Variants in EVL observed in about 807,000 individuals in gnomAD.
EVL encodes the protein Enah/Vasp-like.
EVL carries 21 observed loss-of-function variants against 59.6 expected under a neutral mutation model. The observed-to-expected ratio is 0.35, with a 90% confidence interval of 0.25 to 0.51. The LOEUF (loss-of-function observed/expected upper bound fraction) is 0.51. Among genes scored for constraint, EVL ranks in the 20% least tolerant of loss-of-function variants. The pLI is 0.97. For missense variants in EVL, 462 were observed against 546.6 expected, an observed-to-expected ratio of 0.85 and a Z score of 1.54; for synonymous variants, 198 against 203.5, an observed-to-expected ratio of 0.97 and a Z score of 0.23.
intron 1 of EVL, among the ~76,000 whole-genome samples, chr14:99,976,094 G>T (rs2140166621): frequency 6.6e-6 from 1 of 151,846 alleles, no homozygotes; most frequent in South Asian, 2.1e-4. Context: ...GAGTGCAGTG[G>T]CTCAGTCATG....
chr14:99,990,379 C>T (rs2060867522), intron 1 of EVL, among the ~76,000 whole-genome samples: 1 of 152,054 alleles, frequency 6.6e-6, no homozygotes, highest in South Asian at 2.1e-4. Flanking sequence ...CTGTCTTAAC[C>T]ATTTTTAAGT....
chr14:100,013,586 G>A (rs190510895), intron 1 of EVL, among the ~76,000 whole-genome samples: 140 of 152,328 alleles, frequency 9.2e-4, no homozygotes, highest in African/African-American at 3.1e-3. Context: ...ATCCGGGACC[G>A]AGGGTCCCCT....
chr14:100,090,075 A>G (rs2062532010), intron 2 of EVL, among the ~76,000 whole-genome samples: 1 of 152,238 alleles, frequency 6.6e-6, no homozygotes, highest in Admixed American at 6.5e-5. Context: ...ATTAAACCCA[A>G]CAAAAGTAGA....
At chr14:100,056,345 G>A (rs578040850) in intron 1 of EVL, among the ~76,000 whole-genome samples, 1 of 151,076 alleles carries the variant, frequency 6.6e-6, no homozygotes, top group South Asian at 2.1e-4. Context: ...CTTCTGCTGA[G>A]CATACTTACT....
chr14:100,023,761 C>T (rs1566972513), intron 1 of EVL, among the ~76,000 whole-genome samples: 1 of 152,158 alleles, frequency 6.6e-6, no homozygotes, highest in South Asian at 2.1e-4. Context: ...CGTACCCAGC[C>T]TCCTTTTGCC....
At chr14:100,073,992 G>T (rs1276754117) in intron 1 of EVL, among the ~76,000 whole-genome samples, 1 of 145,752 alleles carries the variant, frequency 6.9e-6, no homozygotes, top group Non-Finnish European at 1.5e-5. Context: ...TGGGTTCAGG[G>T]AGTCACCCCC....
chr14:99,992,026 T>G (rs1349539772), intron 1 of EVL, among the ~76,000 whole-genome samples: 1 of 151,374 alleles, frequency 6.6e-6, no homozygotes, highest in Non-Finnish European at 1.5e-5. Context: ...TATGGTAATT[T>G]TATTTTTAAT....
chr14:100,068,570 G>A (rs993620552), intron 1 of EVL, among the ~76,000 whole-genome samples: 2 of 152,222 alleles, frequency 1.3e-5, no homozygotes, highest in African/African-American at 4.8e-5. Context: ...AGTCATCCAG[G>A]TAAGAGGTGA....
intron 1 of EVL, among the ~76,000 whole-genome samples, chr14:99,999,104 C>T (rs958742647): frequency 6.6e-6 from 1 of 151,848 alleles, no homozygotes; most frequent in Non-Finnish European, 1.5e-5. Flanking sequence ...TAGTAATGTT[C>T]ATGCAGTTAG....
At chr14:100,054,090 C>T (rs1413692887) in intron 1 of EVL, among the ~76,000 whole-genome samples, 3 of 112,060 alleles carry the variant, frequency 2.7e-5, no homozygotes, top group Non-Finnish European at 3.3e-5. Context: ...GAATCTCACT[C>T]TGTTGCCAGG....
At chr14:100,020,997 T>C (rs1273551653) in intron 1 of EVL, among the ~76,000 whole-genome samples, 3 of 152,230 alleles carry the variant, frequency 2.0e-5, no homozygotes, top group Non-Finnish European at 4.4e-5. Context: ...TTATATAATG[T>C]CTGGCGTGTT....
In EVL at chr14:100,109,195, A is replaced by G. The variant is rs1287416051; in HGVS notation, c.358+11537A>G. On this transcript the variant is annotated intron_variant, in intron 3 of 13. Transcript: ENST00000392920. The surrounding 1 kb of genome is among the most constrained non-coding windows in gnomAD (Gnocchi z 4.3). ...GACACTCTCTCCCCTGAAGTGTTGT[A>G]ATGGGGTTGTAACCCATCCACCTTC... Among the ~76,000 whole-genome samples, 1 of 152,218 alleles carries G rather than the reference A, an allele frequency of 6.6e-6. No homozygotes were observed. Among genetic ancestry groups the G allele is most frequent in the East Asian group, 1.9e-4 (1 of 5,182 alleles).
At chr14:100,017,515 A>G (rs2061060386) in intron 1 of EVL, among the ~76,000 whole-genome samples, 5 of 152,144 alleles carry the variant, frequency 3.3e-5, no homozygotes. Flanking sequence ...TCCAACTCCT[A>G]CTTTATTGGT....
Position 100,028,130 on chromosome 14 carries a change from G to GTTT in EVL, c.5+56074_5+56076dup, listed in dbSNP as rs756735010. 0.017 allele frequency among the ~76,000 whole-genome samples: 1,666 copies of GTTT among 99,402 alleles called. 73 individuals are homozygous for GTTT. In the East Asian group the frequency reaches 0.2, roughly 12 times the overall value. 65.2% of individuals were successfully genotyped at this position (99,402 alleles called of 152,430 possible). On this transcript the variant is annotated intron_variant, in intron 1 of 13. Transcript: ENST00000402714. The stretch of plus-strand genomic sequence containing the variant: ...TCTACTTTTAGTTGTTTTTTTGTTT[G>GTTT]TTTGTTTTTTTTTTTTTTTTTGAGG...
At chr14:100,062,540 A>G (rs2061856021), upstream of EVL, among the ~76,000 whole-genome samples, 2 of 152,212 alleles carry the variant, frequency 1.3e-5, no homozygotes, top group Admixed American at 1.3e-4. Context: ...AGGAACCAGA[A>G]ACAGATGAGA....
chr14:100,051,799 C>G (rs1049494002), intron 1 of EVL, among the ~76,000 whole-genome samples: 13 of 152,152 alleles, frequency 8.5e-5, no homozygotes, highest in African/African-American at 3.1e-4. Context: ...TTTCTAACTT[C>G]CGTGTATATT....
intron 9 of EVL, among the ~76,000 whole-genome samples, chr14:100,136,922 C>T (rs1888830807): frequency 6.6e-6 from 1 of 152,162 alleles, no homozygotes; most frequent in South Asian, 2.1e-4. Context: ...GCAGGCCCAG[C>T]GCCTGTCCCA....
At chr14:100,090,152 C>T (rs972656168) in intron 2 of EVL, among the ~76,000 whole-genome samples, 3 of 151,510 alleles carry the variant, frequency 2.0e-5, no homozygotes, top group Admixed American at 6.6e-5. Flanking sequence ...CAAAATGTCG[C>T]GGTTTTTTTG....
At chr14:100,026,089 A>G (rs566130526) in intron 1 of EVL, among the ~76,000 whole-genome samples, 66 of 152,064 alleles carry the variant, frequency 4.3e-4, no homozygotes, top group African/African-American at 1.5e-3. Context: ...CACGTCTACA[A>G]AAAGTACAAA....
Sources: gnomAD v4.1 joint callset for allele counts (sites outside exome capture counted in the v4.1 genomes callset) on GRCh38, gnomAD v4.1.1 for gene constraint, Gnocchi (gnomAD v3.1) non-coding constraint, MANE v1.5 for transcripts, NCBI Gene and HGNC (gene_info 2026-07-23, HGNC 2026-07-21) for gene names.